The following CPS1 variants were observed in gnomAD, a reference collection of about 807,000 sequenced individuals.
The protein encoded by CPS1 is carbamoyl-phosphate synthase [ammonia], mitochondrial.
Under a neutral mutation model 174.6 loss-of-function variants are expected in CPS1, and 109 were observed. The observed-to-expected ratio is 0.62, with a 90% CI of 0.53 to 0.73. The LOEUF is 0.73. Among genes scored for constraint, CPS1 ranks in the 30% least tolerant of loss-of-function variants. The probability of loss-of-function intolerance (pLI) is 0.00; values close to 1 mark genes in which losing one functional copy is unlikely to be tolerated. For synonymous variants in CPS1, 637 were observed against 632.0 expected (o/e 1.01, Z -0.12); for missense variants, 1,689 against 1,821.9 (o/e 0.93, Z 1.33).
In CPS1 at chr2:210,637,795, G is replaced by A; in HGVS notation, c.2781G>A (p.Gln927=). The A allele has an allele frequency of 6.2e-7, 1 of 1,614,008 alleles. No individual in the cohort carries two copies. The highest frequency in any genetic ancestry group is 8.5e-7 in the Non-Finnish European group (1 of 1,179,908). ...AATGCCTTGGGCTCACTGAGGCCCA[G>A]ACAAGGGAGCTGAGGTTAAAGAAAA... The part of the protein sequence containing the change: ...ISKCLGLTEA[Q]TRELRLKKNI... The change falls in exon 22 of 38, where the codon CAG becomes CAA. Residue 927 remains glutamine (Q), a synonymous_variant. Coordinates refer to ENST00000233072, the MANE Select transcript of CPS1 (RefSeq NM_001875.5).
At chr2:210,516,680 C>G (rs961656715) in intron 1 of CPS1, among the ~76,000 whole-genome samples, 2 of 151,844 alleles carry the variant, frequency 1.3e-5, no homozygotes, top group African/African-American at 4.8e-5. Context: ...TACCTCATAC[C>G]CCCACCTCAT....
chr2:210,487,575 G>C (rs1016944947), intron 1 of CPS1, among the ~76,000 whole-genome samples: 8 of 152,182 alleles, frequency 5.3e-5, no homozygotes, highest in Non-Finnish European at 1.0e-4. Flanking sequence ...TGAGGACTTT[G>C]GTGGAAATTA....
chr2:210,551,194 G>A (rs1696721067), intron 1 of CPS1, among the ~76,000 whole-genome samples: 1 of 151,790 alleles, frequency 6.6e-6, no homozygotes, highest in South Asian at 2.1e-4. Flanking sequence ...GGTGCACTTT[G>A]TGTTTGGCTA....
At chr2:210,563,351 CT>C in intron 1 of CPS1, among the ~76,000 whole-genome samples, 1 of 152,118 alleles carries the variant, frequency 6.6e-6, no homozygotes, top group Non-Finnish European at 1.5e-5. Flanking sequence ...CTTTATATGG[CT>C]GTCAACAATT....
rs41272665 is a variant in CPS1, at chr2:210,590,599, G to A, written c.841-201G>A. ...CTAAAGAAATATTAAATTAGATTTAGTTTAGTTTGAATGTAAAGTACATCT... is the reference window on the plus strand; with the variant it reads ...CTAAAGAAATATTAAATTAGATTTAATTTAGTTTGAATGTAAAGTACATCT... On this transcript the variant is annotated intron_variant, in intron 8 of 37. Coordinates refer to ENST00000233072, the MANE Select transcript of CPS1 (RefSeq NM_001875.5). 2.1e-3 allele frequency among the ~76,000 whole-genome samples: 322 copies of A among 152,114 alleles called. 1 individual carries two copies. Among genetic ancestry groups the A allele is most frequent in the Middle Eastern group, 3.4e-3 (1 of 294 alleles).
intron 33 of CPS1, among the ~76,000 whole-genome samples, chr2:210,666,484 A>C: frequency 6.6e-6 from 1 of 152,018 alleles, no homozygotes; most frequent in Non-Finnish European, 1.5e-5. Context: ...TCTTTAATCC[A>C]TCTTGAATTA....
intron 1 of CPS1, among the ~76,000 whole-genome samples, chr2:210,524,416 A>G (rs1242896453): frequency 6.6e-6 from 1 of 152,056 alleles, no homozygotes; most frequent in East Asian, 1.9e-4. Flanking sequence ...TGATGAGAAT[A>G]TAGTAGGAAA....
chr2:210,553,368 A>T (rs899900621), upstream of CPS1, among the ~76,000 whole-genome samples: 10 of 152,008 alleles, frequency 6.6e-5, no homozygotes, highest in Non-Finnish European at 1.2e-4. Flanking sequence ...ACATTTTAAC[A>T]TTTTCAATAC....
At chr2:210,571,880 T>C (rs1199398211) in intron 1 of CPS1, among the ~76,000 whole-genome samples, 6 of 77,846 alleles carry the variant, frequency 7.7e-5, no homozygotes, top group African/African-American at 1.9e-4. Flanking sequence ...TGTGTGTGTG[T>C]GTGTGTGTGT....
chr2:210,488,766 G>C (rs1483604780), intron 1 of CPS1, among the ~76,000 whole-genome samples: 1 of 152,126 alleles, frequency 6.6e-6, no homozygotes, highest in Non-Finnish European at 1.5e-5. Context: ...TATGTTTACA[G>C]CTATGCCTAT....
chr2:210,678,026 C>A lies in CPS1; in HGVS notation c.*41C>A. On this transcript the variant is annotated 3_prime_UTR_variant, in exon 38 of 38. Transcript: ENST00000233072. The stretch of plus-strand genomic sequence containing the variant: ...AGCCCCATTATTAAATCAACCTGAG[C>A]CACATGTTATCTAAAGGAACTGATT... 2.1e-6 allele frequency: 3 copies of A among 1,415,554 alleles called. No individual in the cohort carries two copies. Among genetic ancestry groups the A allele is most frequent in the Non-Finnish European group, 3.0e-6 (3 of 998,918 alleles). 87.7% of individuals were successfully genotyped at this position (1,415,554 alleles called of 1,614,324 possible).
chr2:210,626,126 T>TA (rs1699691165), intron 21 of CPS1, among the ~76,000 whole-genome samples: 1 of 152,148 alleles, frequency 6.6e-6, no homozygotes, highest in Non-Finnish European at 1.5e-5. Context: ...AAAATTGTGT[T>TA]AATTTGTATG....
At chr2:210,560,482 G>A (rs16844625) in intron 1 of CPS1, among the ~76,000 whole-genome samples, 2,424 of 152,190 alleles carry the variant, frequency 0.016, 49 homozygotes, top group African/African-American at 0.05. Context: ...TGTTCAATAA[G>A]TACTCCTTCT....
intron 1 of CPS1, among the ~76,000 whole-genome samples, chr2:210,493,038 T>A (rs1212258632): frequency 6.6e-6 from 1 of 152,200 alleles, no homozygotes; most frequent in Non-Finnish European, 1.5e-5. Flanking sequence ...TCACAGGTTC[T>A]GCTAATAATA....
rs757059771 is a variant in CPS1, at chr2:210,678,034, TA to T, written c.*50del. Reference sequence around the variant, plus strand: ...TATTAAATCAACCTGAGCCACATGTTATCTAAAGGAACTGATTCACAACTTT... The same window carrying T: ...TATTAAATCAACCTGAGCCACATGTTTCTAAAGGAACTGATTCACAACTTT... On this transcript the variant is annotated 3_prime_UTR_variant, in exon 38 of 38. Coordinates refer to ENST00000233072, the MANE Select transcript of CPS1 (RefSeq NM_001875.5). The T allele has an allele frequency of 1.5e-6, 2 of 1,343,506 alleles. No homozygotes were observed. Among genetic ancestry groups the T allele is most frequent in the South Asian group, 2.3e-5 (2 of 85,690 alleles). The allele number at this position is 1,343,506 out of a possible 1,614,324, so 83.2% of individuals were successfully genotyped here. A position where few individuals can be genotyped will look rare whatever the true frequency, so the allele number is the denominator to read the frequency against.
chr2:210,545,553 T>C (rs1467293360), intron 1 of CPS1, among the ~76,000 whole-genome samples: 1 of 152,090 alleles, frequency 6.6e-6, no homozygotes, highest in African/African-American at 2.4e-5. Context: ...TACTATTTTT[T>C]ACACGATGCC....
At chr2:210,612,709 T>C (rs1369653405) in intron 20 of CPS1, among the ~76,000 whole-genome samples, 6 of 151,986 alleles carry the variant, frequency 3.9e-5, no homozygotes, top group Non-Finnish European at 7.4e-5. Flanking sequence ...CCTTAGTATG[T>C]GCCACTTGAG....
rs1372895792 is a variant in CPS1, at chr2:210,502,414, AATAT to A, written c.3+24656_3+24659del. ...ATATATGTATATTTTATATATATAT[AATAT>A]ATATATAAAAGAGAGATATAGAGAT... On this transcript the variant is annotated intron_variant, in intron 1 of 38. Transcript: ENST00000430249. Among the ~76,000 whole-genome samples the A allele has an allele frequency of 2.7e-5, 4 of 146,302 alleles. No homozygotes were observed. The South Asian group carries it at 8.4e-4, about 31-fold the overall frequency.
At chr2:210,479,469 C>T (rs1365850700) in intron 1 of CPS1, among the ~76,000 whole-genome samples, 1 of 152,020 alleles carries the variant, frequency 6.6e-6, no homozygotes, top group African/African-American at 2.4e-5. Flanking sequence ...GCTGGGATTA[C>T]AGGCACACAC....
Sources: allele counts gnomAD v4.1 joint callset (sites outside exome capture counted in the v4.1 genomes callset), GRCh38; gene constraint gnomAD v4.1.1; transcripts MANE v1.5; gene names NCBI Gene and HGNC (gene_info 2026-07-23, HGNC 2026-07-21).